The following RBMS3 variants were observed in gnomAD, a reference collection of about 807,000 sequenced individuals.
RBMS3 encodes RNA binding motif single stranded interacting protein 3, also known as RNA-binding motif, single-stranded-interacting protein 3.
In RBMS3, 27 loss-of-function variants were observed where a neutral mutation model predicts 66.8. That is an observed-to-expected ratio of 0.40 (90% CI 0.30 to 0.56). The LOEUF (loss-of-function observed/expected upper bound fraction) is 0.56, where lower values mean the gene tolerates loss of function less well. Ranked by LOEUF, RBMS3 falls within the 20% of genes least tolerant of loss-of-function variation. The pLI is 0.40. For synonymous variants in RBMS3, 188 were observed against 183.0 expected (o/e 1.03, Z -0.22); for missense variants, 513 against 549.5 (o/e 0.93, Z 0.66).
intron 10 of RBMS3, among the ~76,000 whole-genome samples, chr3:29,928,194 A>ATG (rs1559808659): frequency 1.0e-5 from 1 of 99,406 alleles, no homozygotes; most frequent in Non-Finnish European, 2.2e-5. Flanking sequence ...ATATATATAT[A>ATG]TATATATATA....
intron 12 of RBMS3, among the ~76,000 whole-genome samples, chr3:29,946,144 C>T (rs191181841): frequency 2.0e-5 from 3 of 151,806 alleles, no homozygotes; most frequent in East Asian, 1.9e-4. Context: ...CTTTGGTCTA[C>T]GTCTAAATAG....
chr3:29,999,206 C>A (rs1577357900), intron 14 of RBMS3, among the ~76,000 whole-genome samples: 1 of 152,190 alleles, frequency 6.6e-6, no homozygotes, highest in Admixed American at 6.5e-5. Flanking sequence ...ATCAAAACCA[C>A]AATGAGATAT....
chr3:29,597,442 C>T (rs901099969), intron 4 of RBMS3, among the ~76,000 whole-genome samples: 3 of 152,082 alleles, frequency 2.0e-5, no homozygotes, highest in Admixed American at 1.3e-4. Context: ...ATACAGTGGA[C>T]ACACAAAAAC....
intron 3 of RBMS3, among the ~76,000 whole-genome samples, chr3:29,544,544 A>C (rs553716178): frequency 2.5e-4 from 38 of 152,288 alleles, no homozygotes; most frequent in African/African-American, 8.7e-4. Flanking sequence ...TACCTGTCTC[A>C]GTGGTATTCT....
At chr3:29,581,204 A>G (rs2047317958) in intron 3 of RBMS3, among the ~76,000 whole-genome samples, 1 of 152,182 alleles carries the variant, frequency 6.6e-6, no homozygotes, top group Admixed American at 6.5e-5. Flanking sequence ...CAGTAAATGG[A>G]TACAAAAGAA....
Position 29,732,118 on chromosome 3 carries a change from G to A in RBMS3, c.400-7602G>A, listed in dbSNP as rs191038126. 1.5e-4 allele frequency among the ~76,000 whole-genome samples: 23 copies of A among 152,008 alleles called. 1 individual carries two copies. The highest frequency in any genetic ancestry group is 1.5e-3 in the Admixed American group (23 of 15,250). Reference sequence around the variant, plus strand: ...TCTTTATTGTATGAACTTGACTCATGAGATTATGGAGGCAACAAGTCCTAA... The same window carrying A: ...TCTTTATTGTATGAACTTGACTCATAAGATTATGGAGGCAACAAGTCCTAA... On this transcript the variant is annotated intron_variant, in intron 4 of 14. Coordinates refer to ENST00000383767, the MANE Select transcript of RBMS3 (RefSeq NM_001003793.3).
intron 1 of RBMS3, among the ~76,000 whole-genome samples, chr3:29,363,210 T>C (rs1198394637): frequency 6.6e-6 from 1 of 152,198 alleles, no homozygotes; most frequent in East Asian, 1.9e-4. Flanking sequence ...TTCAGAAAGT[T>C]GGATACAATG....
rs1419638907 is a variant in RBMS3, at chr3:29,599,262, G to A, written c.399+12057G>A. Among the ~76,000 whole-genome samples the A allele has an allele frequency of 4.0e-5, 6 of 151,296 alleles. No individual in the cohort carries two copies. In the South Asian group the frequency reaches 8.3e-4, roughly 21 times the overall value. Reference sequence around the variant, plus strand: ...AATAAAGAATATAATTAGATTGTTTGTAACTTGAAGCGTAAATGCTTGAGG... The same window carrying A: ...AATAAAGAATATAATTAGATTGTTTATAACTTGAAGCGTAAATGCTTGAGG... On this transcript the variant is annotated intron_variant, in intron 4 of 14. Transcript: ENST00000383767.
At chr3:29,408,806 C>T (rs73042512) in intron 1 of RBMS3, among the ~76,000 whole-genome samples, 3,208 of 152,252 alleles carry the variant, frequency 0.021, 57 homozygotes, top group Middle Eastern at 0.037. Context: ...AAATGATCAG[C>T]TGTGATGAGC....
chr3:29,313,624 C>T (rs1007079916), intron 1 of RBMS3, among the ~76,000 whole-genome samples: 3 of 151,544 alleles, frequency 2.0e-5, no homozygotes, highest in South Asian at 2.1e-4. Context: ...CCCTTTTTCC[C>T]CTCAGAAATC....
chr3:29,787,477 A>G (rs1373654832), intron 6 of RBMS3, among the ~76,000 whole-genome samples: 3 of 152,182 alleles, frequency 2.0e-5, no homozygotes, highest in East Asian at 3.9e-4. Context: ...TGTGGTATAT[A>G]TACGCTGTGG....
chr3:29,293,469 C>T (rs992767771), intron 1 of RBMS3, among the ~76,000 whole-genome samples: 12 of 151,778 alleles, frequency 7.9e-5, no homozygotes, highest in Admixed American at 3.9e-4. Context: ...CTTACTTACT[C>T]TGGGCTAACA....
intron 1 of RBMS3, among the ~76,000 whole-genome samples, chr3:29,357,595 C>A (rs2037302515): frequency 6.6e-6 from 1 of 152,132 alleles, no homozygotes. Context: ...AATGGTATTT[C>A]TAGTTCTAGA....
chr3:29,907,349 C>A (rs2060405432), intron 10 of RBMS3, among the ~76,000 whole-genome samples: 1 of 152,074 alleles, frequency 6.6e-6, no homozygotes, highest in Non-Finnish European at 1.5e-5. Context: ...CTTTATATTT[C>A]ATAATTCATT....
intron 5 of RBMS3, among the ~76,000 whole-genome samples, chr3:29,743,365 C>T (rs1201078974): frequency 6.6e-6 from 1 of 152,140 alleles, no homozygotes; most frequent in Non-Finnish European, 1.5e-5. Context: ...TTGATTCTTC[C>T]AAGAATAGCA....
rs184980970 is a variant in RBMS3, at chr3:29,582,613, C to T, written c.308-4501C>T. ...TTGTGTTGAGGATTTTAGCAGTTACCGGAAAGCATTATTAGCTGAAGCTGA... is the reference window on the plus strand; with the variant it reads ...TTGTGTTGAGGATTTTAGCAGTTACTGGAAAGCATTATTAGCTGAAGCTGA... On this transcript the variant is annotated intron_variant, in intron 3 of 14. Transcript: ENST00000383767. Among the ~76,000 whole-genome samples, 29 of 152,268 alleles carry T rather than the reference C, an allele frequency of 1.9e-4. No homozygotes were observed. In the South Asian group the frequency reaches 3.3e-3, roughly 17 times the overall value.
intron 11 of RBMS3, among the ~76,000 whole-genome samples, chr3:29,939,701 G>C (rs979242904): frequency 1.3e-5 from 2 of 151,768 alleles, no homozygotes; most frequent in Non-Finnish European, 2.9e-5. Flanking sequence ...AGATTGGTAA[G>C]CCAGAGCTTC....
intron 4 of RBMS3, among the ~76,000 whole-genome samples, chr3:29,706,570 CAT>C (rs1176644606): frequency 6.6e-6 from 1 of 152,164 alleles, no homozygotes; most frequent in African/African-American, 2.4e-5. Context: ...TGGCAGAACT[CAT>C]AGTATGAAAT....
intron 4 of RBMS3, among the ~76,000 whole-genome samples, chr3:29,705,312 C>A (rs1040982035): frequency 2.0e-5 from 3 of 152,122 alleles, no homozygotes; most frequent in Non-Finnish European, 4.4e-5. Context: ...ACCTTTGGAC[C>A]AGAACATGGT....
Sources: allele counts gnomAD v4.1 joint callset (sites outside exome capture counted in the v4.1 genomes callset), GRCh38; gene constraint gnomAD v4.1.1; transcripts MANE v1.5; gene names NCBI Gene and HGNC (gene_info 2026-07-23, HGNC 2026-07-21).